Variants in AKAP7 observed in about 807,000 individuals in gnomAD.
AKAP7 encodes the protein A kinase (PRKA) anchor protein 7.
AKAP7 carries 39 observed loss-of-function variants against 39.5 expected under a neutral mutation model. That is an observed-to-expected ratio of 0.99 (90% CI 0.76 to 1.29). The LOEUF (loss-of-function observed/expected upper bound fraction) is 1.29. Ranked by LOEUF, AKAP7 falls within the 50% of genes most tolerant of loss-of-function variation. The pLI is 0.00. For synonymous variants in AKAP7, 140 were observed against 139.1 expected (o/e 1.01, Z -0.05); for missense variants, 414 against 407.7 (o/e 1.02, Z -0.13).
chr6:131,256,363 T>TA (rs1392421621), intron 7 of AKAP7, among the ~76,000 whole-genome samples: 5 of 152,348 alleles, frequency 3.3e-5, no homozygotes, highest in East Asian at 1.9e-4. Flanking sequence ...TGCTAGTACT[T>TA]ACTATTCTTA....
At chr6:131,136,817 A>C (rs760389359) in intron 1 of AKAP7, 1 of 982,440 alleles carries the variant, frequency 1.0e-6, no homozygotes, top group Admixed American at 6.1e-5. Flanking sequence ...GTTGATTTCT[A>C]CGCAGCTGTC....
rs1805719464 is a variant in AKAP7, at chr6:131,185,251, T to C, written c.590-14210T>C. On this transcript the variant is annotated intron_variant, in intron 5 of 7. Coordinates refer to ENST00000431975, the MANE Select transcript of AKAP7 (RefSeq NM_016377.4). ...TCACAGGGGTGGGCTCACCGCTTTT[T>C]CCGCCAGTGCTGGGCAGGGTACGAG... The C allele has an allele frequency of 1.3e-5, 6 of 467,954 alleles. 1 individual carries two copies. The highest frequency in any genetic ancestry group is 1.1e-4 in the South Asian group (6 of 53,446). 29.0% of individuals were successfully genotyped at this position (467,954 alleles called of 1,614,324 possible).
intron 7 of AKAP7, among the ~76,000 whole-genome samples, chr6:131,272,503 G>C (rs1241612270): frequency 6.6e-6 from 1 of 152,052 alleles, no homozygotes; most frequent in Non-Finnish European, 1.5e-5. Context: ...TAAGCACTTA[G>C]TGTATAAAGT....
chr6:131,154,302 C>T (rs866773788), intron 2 of AKAP7, among the ~76,000 whole-genome samples: 8 of 152,014 alleles, frequency 5.3e-5, no homozygotes, highest in Middle Eastern at 3.2e-3. Flanking sequence ...ATAACCTAGA[C>T]GGTAGGTTTA....
the AKAP7 span, among the ~76,000 whole-genome samples, chr6:131,129,154 T>C: frequency 2.0e-3 from 310 of 151,710 alleles, 2 homozygotes; most frequent in South Asian, 3.3e-3. Context: ...AGGTGTGGTG[T>C]CAGGTGACTG....
At chr6:131,241,100 A>C (rs551201560) in intron 7 of AKAP7, among the ~76,000 whole-genome samples, 1 of 152,162 alleles carries the variant, frequency 6.6e-6, no homozygotes, top group Non-Finnish European at 1.5e-5. Flanking sequence ...GGAGCCATCA[A>C]CATTTTTGGA....
At chr6:131,175,585 A>G (rs1291592916) in intron 5 of AKAP7, among the ~76,000 whole-genome samples, 1 of 152,222 alleles carries the variant, frequency 6.6e-6, no homozygotes. Context: ...AGTAAAGTCT[A>G]AATTGATGAG....
intron 5 of AKAP7, among the ~76,000 whole-genome samples, chr6:131,192,564 C>T (rs529644144): frequency 3.2e-4 from 49 of 152,150 alleles, no homozygotes; most frequent in African/African-American, 1.1e-3. Context: ...TTGGCTGTTC[C>T]GGGTCTTTTG....
chr6:131,274,804 C>T (rs893615366), intron 7 of AKAP7, among the ~76,000 whole-genome samples: 20 of 152,184 alleles, frequency 1.3e-4, no homozygotes, highest in African/African-American at 4.8e-4. Flanking sequence ...TCCAATGCAT[C>T]GTGCTTTCTC....
chr6:131,216,366 G>C (rs1809175078), intron 6 of AKAP7, among the ~76,000 whole-genome samples: 1 of 152,138 alleles, frequency 6.6e-6, no homozygotes, highest in African/African-American at 2.4e-5. Context: ...AAATGTAAAT[G>C]ATATGGTGAG....
chr6:131,166,275 G>C (rs1040200206), intron 4 of AKAP7, among the ~76,000 whole-genome samples: 8 of 152,034 alleles, frequency 5.3e-5, no homozygotes, highest in Admixed American at 3.3e-4. Context: ...GAAGAAAAAA[G>C]AAGTTCTCTG....
At chr6:131,128,822 CAAAA>C in the AKAP7 span, among the ~76,000 whole-genome samples, 11 of 125,094 alleles carry the variant, frequency 8.8e-5, no homozygotes, top group Non-Finnish European at 1.6e-4. Flanking sequence ...AACTCCATCT[CAAAA>C]AAAAAAAAAA....
At position 131,217,489 on chromosome 6, in the gene AKAP7, A is replaced by G. The variant is rs116906126; in HGVS notation, c.703-2172A>G. ...AGGCTTAGCTATTTCTAGGTTGTTT[A>G]TTACTGAAGATTTTTCTGATCAGGA... On this transcript the variant is annotated intron_variant, in intron 6 of 7. Coordinates refer to ENST00000431975, the MANE Select transcript of AKAP7 (RefSeq NM_016377.4). Among the ~76,000 whole-genome samples the G allele has an allele frequency of 6.3e-3, 952 of 152,246 alleles. 9 individuals carry two copies. Among genetic ancestry groups the G allele is most frequent in the Non-Finnish European group, 9.4e-3 (638 of 68,002 alleles).
chr6:131,151,860 T>A (rs988035719), intron 2 of AKAP7, among the ~76,000 whole-genome samples: 1 of 152,172 alleles, frequency 6.6e-6, no homozygotes, highest in Non-Finnish European at 1.5e-5. Flanking sequence ...AAAAATAAAA[T>A]ATCAAAACAA....
chr6:131,203,842 C>G (rs1807842891), intron 6 of AKAP7, among the ~76,000 whole-genome samples: 1 of 152,120 alleles, frequency 6.6e-6, no homozygotes, highest in African/African-American at 2.4e-5. Flanking sequence ...TTCTTTGGTA[C>G]CACAAACAAT....
chr6:131,192,922 G>A (rs1467050155), intron 5 of AKAP7, among the ~76,000 whole-genome samples: 1 of 152,080 alleles, frequency 6.6e-6, no homozygotes, highest in African/African-American at 2.4e-5. Context: ...ACTTTTGTAT[G>A]TTGATTTCGT....
chr6:131,195,896 G>T (rs533724566), intron 5 of AKAP7, among the ~76,000 whole-genome samples: 23 of 152,102 alleles, frequency 1.5e-4, no homozygotes, highest in Middle Eastern at 3.4e-3. Context: ...ACCTTTGGGC[G>T]TTTGATTATT....
chr6:131,245,441 T>G (rs1019832091), intron 7 of AKAP7, among the ~76,000 whole-genome samples: 7 of 149,328 alleles, frequency 4.7e-5, no homozygotes, highest in African/African-American at 1.7e-4. Flanking sequence ...TGTTTTTGGT[T>G]TTTTTTTTTG....
chr6:131,192,565 G>A (rs1054283264), intron 5 of AKAP7, among the ~76,000 whole-genome samples: 7 of 152,174 alleles, frequency 4.6e-5, no homozygotes, highest in Middle Eastern at 6.8e-3. Context: ...TGGCTGTTCC[G>A]GGTCTTTTGT....
Sources: allele counts gnomAD v4.1 joint callset (sites outside exome capture counted in the v4.1 genomes callset), GRCh38; gene constraint gnomAD v4.1.1; transcripts MANE v1.5; gene names NCBI Gene and HGNC (gene_info 2026-07-23, HGNC 2026-07-21).